RBFOX1: variants seen among roughly 807,000 people sequenced by gnomAD.
The protein encoded by RBFOX1 is RNA binding fox-1 homolog 1.
Under a neutral mutation model 57.7 loss-of-function variants are expected in RBFOX1, and 8 were observed. That is an observed-to-expected ratio of 0.14 (90% confidence interval 0.08 to 0.25). The LOEUF (loss-of-function observed/expected upper bound fraction) is 0.25, where lower values mean the gene tolerates loss of function less well. Among genes scored for constraint, RBFOX1 ranks in the 10% least tolerant of loss-of-function variants. The pLI, the probability that RBFOX1 is intolerant of heterozygous loss-of-function variation, is 1.00. For missense variants in RBFOX1, 611 were observed against 548.5 expected (o/e 1.11, Z -1.14); for synonymous variants, 326 against 222.4 (o/e 1.47, Z -4.15).
At chr16:7,457,713 C>A (rs914928067) in intron 4 of RBFOX1, among the ~76,000 whole-genome samples, 1 of 152,108 alleles carries the variant, frequency 6.6e-6, no homozygotes, top group African/African-American at 2.4e-5. Flanking sequence ...AGAGGGCCCT[C>A]CCCATTCCTC....
chr16:7,000,857 C>G (rs1029993302), intron 3 of RBFOX1, among the ~76,000 whole-genome samples: 4 of 152,070 alleles, frequency 2.6e-5, no homozygotes, highest in African/African-American at 9.7e-5. Context: ...CCGCCTCGGC[C>G]TCCCAAAGTG....
intron 2 of RBFOX1, among the ~76,000 whole-genome samples, chr16:6,554,305 G>T (rs1195245106): frequency 6.6e-6 from 1 of 152,102 alleles, no homozygotes; most frequent in Non-Finnish European, 1.5e-5. Flanking sequence ...TGTTTTTAAG[G>T]TTCTGCTCCC....
At chr16:7,124,873 CAAAT>C (rs2068094677) in intron 4 of RBFOX1, among the ~76,000 whole-genome samples, 1 of 151,780 alleles carries the variant, frequency 6.6e-6, no homozygotes, top group Non-Finnish European at 1.5e-5. Flanking sequence ...GTATTCCTGA[CAAAT>C]AAATATTTCA....
chr16:5,441,388 A>G (rs1011533285), intron 1 of RBFOX1, among the ~76,000 whole-genome samples: 2 of 139,084 alleles, frequency 1.4e-5, no homozygotes, highest in Non-Finnish European at 3.0e-5. Context: ...TTTTTGAGAC[A>G]GAGTCTCGCA....
At chr16:6,946,696 G>A (rs1056002207) in intron 3 of RBFOX1, among the ~76,000 whole-genome samples, 4 of 152,044 alleles carry the variant, frequency 2.6e-5, no homozygotes, top group African/African-American at 7.2e-5. Context: ...TCAAACTCCT[G>A]GGCTCAAGTG....
intron 3 of RBFOX1, among the ~76,000 whole-genome samples, chr16:6,950,496 T>C (rs963101037): frequency 6.6e-6 from 1 of 152,168 alleles, no homozygotes; most frequent in African/African-American, 2.4e-5. Flanking sequence ...ATGACCTGAA[T>C]TGGATTGAAG....
At chr16:6,392,969 G>C (rs922319001) in intron 2 of RBFOX1, among the ~76,000 whole-genome samples, 3 of 152,188 alleles carry the variant, frequency 2.0e-5, no homozygotes, top group African/African-American at 7.2e-5. Flanking sequence ...ATAATTGCTT[G>C]TTTCAAGATG....
intron 4 of RBFOX1, among the ~76,000 whole-genome samples, chr16:7,291,039 A>C (rs1036818942): frequency 6.6e-6 from 1 of 152,190 alleles, no homozygotes; most frequent in Non-Finnish European, 1.5e-5. Flanking sequence ...GTACATTCAT[A>C]TCATTAAAGC....
chr16:7,006,577 G>C (rs2093314235), intron 3 of RBFOX1, among the ~76,000 whole-genome samples: 1 of 152,160 alleles, frequency 6.6e-6, no homozygotes, highest in Middle Eastern at 3.4e-3. Context: ...ACCTTCCTGA[G>C]TAGGTAGGAC....
intron 3 of RBFOX1, among the ~76,000 whole-genome samples, chr16:6,819,506 C>G (rs1349255181): frequency 1.3e-5 from 2 of 151,882 alleles, no homozygotes; most frequent in African/African-American, 4.8e-5. Flanking sequence ...GAGTTTGAGA[C>G]CAGCCTGACC....
chr16:6,042,356 C>T (rs2095446482), intron 1 of RBFOX1, among the ~76,000 whole-genome samples: 2 of 152,124 alleles, frequency 1.3e-5, no homozygotes, highest in African/African-American at 4.8e-5. Flanking sequence ...ACCTCGGTCT[C>T]CCAAAGTGCT....
chr16:6,633,564 G>C (rs371985264), intron 2 of RBFOX1, among the ~76,000 whole-genome samples: 7 of 152,150 alleles, frequency 4.6e-5, no homozygotes, highest in African/African-American at 1.4e-4. Flanking sequence ...AATGTGCTGG[G>C]ATTACAGGCC....
At chr16:6,090,983 G>T (rs1294987046) in intron 1 of RBFOX1, among the ~76,000 whole-genome samples, 1 of 152,228 alleles carries the variant, frequency 6.6e-6, no homozygotes, top group Non-Finnish European at 1.5e-5. Context: ...TACATCCCAT[G>T]CATGTGCAAT....
chr16:7,028,944 T>G (rs2041831817), intron 3 of RBFOX1, among the ~76,000 whole-genome samples: 1 of 149,648 alleles, frequency 6.7e-6, no homozygotes, highest in African/African-American at 2.5e-5. Context: ...AATGAAAGTT[T>G]AAATGACCAT....
At chr16:5,695,930 A>G (rs1346237084) in intron 3 of RBFOX1, among the ~76,000 whole-genome samples, 2 of 152,216 alleles carry the variant, frequency 1.3e-5, no homozygotes, top group African/African-American at 4.8e-5. Flanking sequence ...GTAATAAAAA[A>G]TCGATAAGAG....
chr16:5,739,329 C>T (rs2052693608), intron 3 of RBFOX1, among the ~76,000 whole-genome samples: 1 of 152,242 alleles, frequency 6.6e-6, no homozygotes, highest in African/African-American at 2.4e-5. Flanking sequence ...GGGTAACGTT[C>T]TGCGTAGCAG....
intron 1 of RBFOX1, among the ~76,000 whole-genome samples, chr16:5,378,482 C>G (rs1007471660): frequency 6.6e-6 from 1 of 151,528 alleles, no homozygotes; most frequent in East Asian, 1.9e-4. Flanking sequence ...GGCACCCTAG[C>G]AAGGAGCTTA....
chr16:6,618,699 A>T (rs765801045), intron 2 of RBFOX1, among the ~76,000 whole-genome samples: 12 of 152,166 alleles, frequency 7.9e-5, no homozygotes, highest in Non-Finnish European at 1.8e-4. Context: ...TTGGTATTAG[A>T]AAGGGAAAGC....
intron 3 of RBFOX1, 78 bp from the exon 4 acceptor site, chr16:7,051,979 A>C (rs539438340): frequency 6.4e-7 from 1 of 1,559,214 alleles, no homozygotes; most frequent in Non-Finnish European, 8.7e-7. Flanking sequence ...AGTAATTAAA[A>C]GTAACTTTCT....
Sources: allele counts gnomAD v4.1 joint callset (sites outside exome capture counted in the v4.1 genomes callset), GRCh38; gene constraint gnomAD v4.1.1; transcripts MANE v1.5; gene names NCBI Gene and HGNC (gene_info 2026-07-23, HGNC 2026-07-21).